The following CNOT4 variants were observed in gnomAD, a reference collection of about 807,000 sequenced individuals.
CNOT4 encodes the protein CCR4-NOT transcription complex subunit 4.
A neutral mutation model predicts 73.8 loss-of-function variants in CNOT4; 8 were observed. The ratio of observed to expected loss-of-function variants is 0.11; its 90% CI spans 0.06 to 0.20. The LOEUF (loss-of-function observed/expected upper bound fraction) is 0.20. CNOT4 is among the 10% of genes least tolerant of loss of function. The pLI is 1.00. For missense variants in CNOT4, 564 were observed against 883.4 expected (o/e 0.64, Z 4.58); for synonymous variants, 293 against 321.1 (o/e 0.91, Z 0.94).
chr7:135,398,277 C>T (rs757153336), intron 7 of CNOT4, 51 bp from the exon 8 acceptor site: 10 of 906,774 alleles, frequency 1.1e-5, no homozygotes, highest in African/African-American at 8.6e-5. Context: ...CATTCTCCTA[C>T]AATAAAAACA....
intron 9 of CNOT4, 41 bp downstream of exon 9, chr7:135,395,593 T>C (rs749012811): frequency 3.8e-6 from 6 of 1,582,200 alleles, no homozygotes; most frequent in Non-Finnish European, 5.2e-6. Flanking sequence ...AACAATACGT[T>C]AAGAGCATAA....
chr7:135,408,995 G>C (rs1055517780), intron 7 of CNOT4, among the ~76,000 whole-genome samples: 3 of 151,968 alleles, frequency 2.0e-5, no homozygotes, highest in Non-Finnish European at 4.4e-5. Flanking sequence ...TTTATATTCA[G>C]AAGACAACAA....
At chr7:135,411,843 A>G (rs1223113598) in intron 6 of CNOT4, among the ~76,000 whole-genome samples, 6 of 151,966 alleles carry the variant, frequency 3.9e-5, no homozygotes, top group African/African-American at 1.4e-4. Context: ...CTGAGAGGCC[A>G]CTTGCTTGTT....
intron 1 of CNOT4, among the ~76,000 whole-genome samples, chr7:135,460,590 A>G (rs7806664): frequency 0.02 from 3,039 of 152,254 alleles, 104 homozygotes; most frequent in African/African-American, 0.069. Flanking sequence ...AAACAGCTAT[A>G]ATAGTAACAT....
chr7:135,476,289 G>A (rs952851789), intron 1 of CNOT4, among the ~76,000 whole-genome samples: 4 of 152,134 alleles, frequency 2.6e-5, no homozygotes, highest in Admixed American at 6.6e-5. Flanking sequence ...AAGATCAGCC[G>A]TCAGCCCAGA....
intron 2 of CNOT4, among the ~76,000 whole-genome samples, chr7:135,433,350 CTTTTTTTT>C (rs954189759): frequency 8.7e-6 from 1 of 114,450 alleles, no homozygotes; most frequent in Non-Finnish European, 1.8e-5. Context: ...TCATCCTGTT[CTTTTTTTT>C]TTTTTTTTTT....
chr7:135,469,734 A>G (rs780711166), intron 1 of CNOT4, among the ~76,000 whole-genome samples: 7 of 152,208 alleles, frequency 4.6e-5, no homozygotes, highest in Non-Finnish European at 8.8e-5. Context: ...TAACCCAAGA[A>G]AAATGAAAAC....
intron 1 of CNOT4, among the ~76,000 whole-genome samples, chr7:135,478,270 AT>A (rs1403559728): frequency 6.6e-6 from 1 of 152,154 alleles, no homozygotes; most frequent in African/African-American, 2.4e-5. Flanking sequence ...AAATATTGGC[AT>A]TTCTTACTGA....
intron 10 of CNOT4, among the ~76,000 whole-genome samples, chr7:135,391,236 G>A (rs1049662565): frequency 1.3e-5 from 2 of 152,038 alleles, no homozygotes; most frequent in Non-Finnish European, 2.9e-5. Context: ...TCTGCTCTGA[G>A]GCTTAGCACA....
At chr7:135,369,612 T>C (rs1392090541) in intron 10 of CNOT4, among the ~76,000 whole-genome samples, 3 of 152,244 alleles carry the variant, frequency 2.0e-5, no homozygotes, top group Non-Finnish European at 2.9e-5. Context: ...AACAAATCTT[T>C]CTTGGTGCAA....
At position 135,497,586 on chromosome 7, in the gene CNOT4, C is replaced by G. The variant is rs117723790; in HGVS notation, c.-93+12303G>C. Among the ~76,000 whole-genome samples the G allele has an allele frequency of 2.0e-4, 30 of 152,276 alleles. No homozygotes were observed. The East Asian group carries it at 5.8e-3, about 29-fold the overall frequency. ...AGTGAAATAATTCTATGCTACCAAG[C>G]ACACTCAAAACTATCTTCCCCTAAA... is the stretch of plus-strand genomic sequence containing the variant. On this transcript the variant is annotated intron_variant, in intron 1 of 11. Coordinates refer to ENST00000541284, the MANE Select transcript of CNOT4 (RefSeq NM_001190850.2).
chr7:135,409,550 A>G (rs112086161), intron 7 of CNOT4, among the ~76,000 whole-genome samples: 5,339 of 152,180 alleles, frequency 0.035, 318 homozygotes, highest in African/African-American at 0.12. Flanking sequence ...AATGGACTCA[A>G]ACAATAATCC....
chr7:135,377,795 T>C lies in CNOT4; in HGVS notation c.1628-13729A>G, dbSNP rs148584938. Among the ~76,000 whole-genome samples, 450 of 152,282 alleles carry C rather than the reference T, an allele frequency of 3.0e-3. 2 individuals carry two copies. The highest frequency in any genetic ancestry group is 9.9e-3 in the African/African-American group (410 of 41,566). The stretch of plus-strand genomic sequence containing the variant: ...AATTTATAGTTGAATTAGGGACAGA[T>C]TGCCAGAGACAATCTTGACAGAACC... On this transcript the variant is annotated intron_variant, in intron 10 of 11. Transcript: ENST00000541284.
At chr7:135,437,380 A>G (rs1237923182) in intron 2 of CNOT4, among the ~76,000 whole-genome samples, 2 of 152,018 alleles carry the variant, frequency 1.3e-5, no homozygotes, top group African/African-American at 2.4e-5. Flanking sequence ...TAGTAGAGAC[A>G]GGGTTTCACT....
At chr7:135,419,920 G>A (rs143551718) in intron 3 of CNOT4, among the ~76,000 whole-genome samples, 1 of 151,946 alleles carries the variant, frequency 6.6e-6, no homozygotes, top group Non-Finnish European at 1.5e-5. Flanking sequence ...GGGCATGGTG[G>A]TGCACACCTG....
At chr7:135,421,921 C>A (rs972873463) in intron 3 of CNOT4, among the ~76,000 whole-genome samples, 4 of 152,160 alleles carry the variant, frequency 2.6e-5, no homozygotes, top group African/African-American at 9.7e-5. Context: ...AAATCTAGTT[C>A]AACTCCTTAG....
intron 1 of CNOT4, among the ~76,000 whole-genome samples, chr7:135,476,780 T>C (rs899528633): frequency 5.3e-5 from 8 of 152,182 alleles, no homozygotes; most frequent in Admixed American, 3.9e-4. Flanking sequence ...CAGACCAGCC[T>C]GGGCAATACA....
At chr7:135,416,242 T>A (rs762018530) in intron 3 of CNOT4, among the ~76,000 whole-genome samples, 2 of 152,224 alleles carry the variant, frequency 1.3e-5, no homozygotes, top group Non-Finnish European at 2.9e-5. Flanking sequence ...TACAGACTTA[T>A]AATTTAGCTA....
intron 1 of CNOT4, among the ~76,000 whole-genome samples, chr7:135,496,062 T>G (rs1197857099): frequency 6.6e-6 from 1 of 152,132 alleles, no homozygotes; most frequent in Non-Finnish European, 1.5e-5. Context: ...TCTGGCCATT[T>G]TTACAGTTAT....
Sources: gnomAD v4.1 joint callset for allele counts (sites outside exome capture counted in the v4.1 genomes callset) on GRCh38, gnomAD v4.1.1 for gene constraint, MANE v1.5 for transcripts, NCBI Gene and HGNC (gene_info 2026-07-23, HGNC 2026-07-21) for gene names.